Variants in UBR3 observed in about 807,000 individuals in gnomAD.
UBR3 encodes the protein ubiquitin protein ligase E3 component n-recognin 3, also known as E3 ubiquitin-protein ligase UBR3.
Under a neutral mutation model 243.2 loss-of-function variants are expected in UBR3, and 85 were observed. That is an observed-to-expected ratio of 0.35 (90% CI 0.29 to 0.42). UBR3 has a LOEUF of 0.42. Ranked by LOEUF, UBR3 falls within the 10% of genes least tolerant of loss-of-function variation. The pLI, the probability that UBR3 is intolerant of heterozygous loss-of-function variation, is 1.00. For synonymous variants in UBR3, 748 were observed against 799.8 expected (o/e 0.94, Z 1.09); for missense variants, 1,686 against 2,300.8 (o/e 0.73, Z 5.47).
chr2:169,857,064 G>GTTTTTTTTTTTTTTTTTTTT lies in UBR3; in HGVS notation c.546-15164_546-15145dup, dbSNP rs770674966. ...ATGATTTCCAGCATAATTTTATTAT[G>GTTTTTTTTTTTTTTTTTTTT]TTTTTTTTTTTTTTTTTTTTTTTTT... On this transcript the variant is annotated intron_variant, in intron 1 of 38. Coordinates refer to ENST00000272793, the MANE Select transcript of UBR3 (RefSeq NM_172070.4). Among the ~76,000 whole-genome samples, 14 of 56,086 alleles carry GTTTTTTTTTTTTTTTTTTTT rather than the reference G, an allele frequency of 2.5e-4. 4 individuals are homozygous for GTTTTTTTTTTTTTTTTTTTT. The highest frequency in any genetic ancestry group is 1.7e-3 in the East Asian group (2 of 1,150). 36.8% of individuals were successfully genotyped at this position (56,086 alleles called of 152,430 possible). A position where few individuals can be genotyped will look rare whatever the true frequency, so the allele number is the denominator to read the frequency against.
chr2:169,967,238 C>G (rs1279168570), intron 24 of UBR3, among the ~76,000 whole-genome samples: 7 of 131,700 alleles, frequency 5.3e-5, no homozygotes, highest in South Asian at 2.6e-4. Flanking sequence ...ATGCCCCCCC[C>G]ACCCCCCTAC....
At chr2:170,016,653 A>G (rs964792107) in intron 30 of UBR3, among the ~76,000 whole-genome samples, 1 of 151,930 alleles carries the variant, frequency 6.6e-6, no homozygotes, top group Non-Finnish European at 1.5e-5. Flanking sequence ...TACTTTAGCG[A>G]AGGGTTTTCT....
At chr2:169,913,556 C>T (rs896881545) in intron 10 of UBR3, among the ~76,000 whole-genome samples, 4 of 152,142 alleles carry the variant, frequency 2.6e-5, no homozygotes, top group African/African-American at 9.7e-5. Context: ...AGGTTACTTA[C>T]AGTCCACATA....
intron 35 of UBR3, among the ~76,000 whole-genome samples, chr2:170,067,751 C>A: frequency 6.7e-6 from 1 of 149,194 alleles, no homozygotes; most frequent in African/African-American, 2.5e-5. Flanking sequence ...TGGATCAAAG[C>A]AGAAATCACA....
chr2:169,836,599 A>G (rs1408196378), intron 1 of UBR3, among the ~76,000 whole-genome samples: 1 of 151,836 alleles, frequency 6.6e-6, no homozygotes, highest in Non-Finnish European at 1.5e-5. Context: ...CCATTTACCT[A>G]TGTAACCTGT....
chr2:170,058,215 T>A (rs1291016247), intron 33 of UBR3, among the ~76,000 whole-genome samples: 2 of 152,234 alleles, frequency 1.3e-5, no homozygotes, highest in Non-Finnish European at 2.9e-5. Context: ...TCATTGAATT[T>A]CACTTATTCG....
chr2:169,888,419 G>A (rs957220724), intron 5 of UBR3, among the ~76,000 whole-genome samples: 1 of 152,050 alleles, frequency 6.6e-6, no homozygotes, highest in African/African-American at 2.4e-5. Context: ...GATTACAGGC[G>A]TGAGCCACCG....
chr2:169,955,984 T>A lies in UBR3; in HGVS notation c.3546-2454T>A, dbSNP rs369978087. ...GGGGAAAATTGTGTGTGTGTTTCTTTGTTTGTCTGTGTTTGTGTTGGAAGG... is the reference window on the plus strand; with the variant it reads ...GGGGAAAATTGTGTGTGTGTTTCTTAGTTTGTCTGTGTTTGTGTTGGAAGG... On this transcript the variant is annotated intron_variant, in intron 23 of 38. Coordinates refer to ENST00000272793, the MANE Select transcript of UBR3 (RefSeq NM_172070.4). Among the ~76,000 whole-genome samples the A allele has an allele frequency of 2.3e-4, 35 of 152,034 alleles. No homozygotes were observed. The South Asian group carries it at 7.3e-3, about 32-fold the overall frequency.
intron 5 of UBR3, among the ~76,000 whole-genome samples, chr2:169,883,918 T>C (rs2083989748): frequency 6.6e-6 from 1 of 151,446 alleles, no homozygotes; most frequent in South Asian, 2.1e-4. Flanking sequence ...ACTGAACCTC[T>C]GCTTCCCAGG....
At chr2:169,935,514 C>T (rs1009567742) in intron 19 of UBR3, among the ~76,000 whole-genome samples, 37 of 152,116 alleles carry the variant, frequency 2.4e-4, no homozygotes, top group African/African-American at 8.7e-4. Flanking sequence ...TGAGCTAGGC[C>T]ATTTCCAAAG....
rs1454959467 is a variant in UBR3, at chr2:169,928,893, T to C, written c.2566+25T>C. The C allele has an allele frequency of 2.7e-5, 36 of 1,355,440 alleles. No individual in the cohort carries two copies. In the Admixed American group the frequency reaches 9.8e-4, roughly 37 times the overall value. The allele number at this position is 1,355,440 out of a possible 1,614,324, so 84.0% of individuals were successfully genotyped here. A position where few individuals can be genotyped will look rare whatever the true frequency, so the allele number is the denominator to read the frequency against. ...GGTATGTTTATATACATAAATGGAC[T>C]CTTTCAAATATCAGTTCTTGAATGG... On this transcript the variant is annotated intron_variant, in intron 18 of 38. Transcript: ENST00000272793.
chr2:169,927,225 A>G lies in UBR3; in HGVS notation c.2339-95A>G, dbSNP rs1201552095. ...TACTCTTTAATTTGAAGCATCTTATATTTGGTAAAACAGCTTAGTAAAAAG... is the reference window on the plus strand; with the variant it reads ...TACTCTTTAATTTGAAGCATCTTATGTTTGGTAAAACAGCTTAGTAAAAAG... On this transcript the variant is annotated intron_variant, in intron 16 of 38. Coordinates refer to ENST00000272793, the MANE Select transcript of UBR3 (RefSeq NM_172070.4). The G allele has an allele frequency of 2.6e-6, 3 of 1,174,118 alleles. No homozygotes were observed. In the African/African-American group the frequency reaches 4.7e-5, roughly 18 times the overall value. The allele number at this position is 1,174,118 out of a possible 1,614,324, so 72.7% of individuals were successfully genotyped here. A position where few individuals can be genotyped will look rare whatever the true frequency, so the allele number is the denominator to read the frequency against.
chr2:170,017,432 T>C (rs747409536), intron 30 of UBR3, among the ~76,000 whole-genome samples: 4 of 152,044 alleles, frequency 2.6e-5, no homozygotes, highest in Admixed American at 6.6e-5. Flanking sequence ...TGTTACGACT[T>C]CTTGATGAAA....
chr2:169,870,598 T>C (rs1397744971), intron 1 of UBR3, among the ~76,000 whole-genome samples: 1 of 152,186 alleles, frequency 6.6e-6, no homozygotes, highest in African/African-American at 2.4e-5. Flanking sequence ...TTGTGATTAA[T>C]TCTATTGGGA....
Position 170,015,264 on chromosome 2 carries a change from T to C in UBR3, c.4368-17T>C, listed in dbSNP as rs1429565238. On this transcript the variant is annotated splice_polypyrimidine_tract_variant and intron_variant, in intron 29 of 38. Coordinates refer to ENST00000272793, the MANE Select transcript of UBR3 (RefSeq NM_172070.4). Reference sequence around the variant, plus strand: ...AATCTTCAGTTTAATGACTGAGATATAATGTTTTACTTACAGAACCAATTT... The same window carrying C: ...AATCTTCAGTTTAATGACTGAGATACAATGTTTTACTTACAGAACCAATTT... The C allele has an allele frequency of 1.3e-6, 2 of 1,596,618 alleles. No homozygotes were observed. The highest frequency in any genetic ancestry group is 1.7e-6 in the Non-Finnish European group (2 of 1,167,290).
At chr2:169,890,529 A>T in intron 5 of UBR3, among the ~76,000 whole-genome samples, 1 of 59,728 alleles carries the variant, frequency 1.7e-5, no homozygotes, top group African/African-American at 8.0e-5. Flanking sequence ...TTTCTAGGAG[A>T]GAGAGAGAGA....
At chr2:169,860,766 A>G (rs566587663) in intron 1 of UBR3, among the ~76,000 whole-genome samples, 3 of 152,176 alleles carry the variant, frequency 2.0e-5, no homozygotes, top group African/African-American at 7.2e-5. Flanking sequence ...GATATATGAG[A>G]TGGAGTTTAT....
intron 2 of UBR3, among the ~76,000 whole-genome samples, chr2:169,873,360 A>G (rs1226555845): frequency 6.6e-6 from 1 of 152,204 alleles, no homozygotes; most frequent in Non-Finnish European, 1.5e-5. Flanking sequence ...TCTACTTAAC[A>G]GAGTATATAT....
chr2:169,977,113 G>A (rs1559151341), intron 24 of UBR3, among the ~76,000 whole-genome samples: 2 of 151,754 alleles, frequency 1.3e-5, no homozygotes, highest in African/African-American at 4.8e-5. Flanking sequence ...AATTTCTTAT[G>A]CATAAGAAAT....
Sources: gnomAD v4.1 joint callset for allele counts (sites outside exome capture counted in the v4.1 genomes callset) on GRCh38, gnomAD v4.1.1 for gene constraint, MANE v1.5 for transcripts, NCBI Gene and HGNC (gene_info 2026-07-23, HGNC 2026-07-21) for gene names.